RBMS3: variants seen among roughly 807,000 people sequenced by gnomAD.
RBMS3 encodes the protein RNA binding motif single stranded interacting protein 3.
In RBMS3, 27 loss-of-function variants were observed where a neutral mutation model predicts 66.8. That is an observed-to-expected ratio of 0.40 (90% CI 0.30 to 0.56). RBMS3 has a LOEUF of 0.56. RBMS3 is among the 20% of genes least tolerant of loss of function. The pLI is 0.40. For missense variants in RBMS3, 513 were observed against 549.5 expected, an observed-to-expected ratio of 0.93 and a Z score of 0.66; for synonymous variants, 188 against 183.0, an observed-to-expected ratio of 1.03 and a Z score of -0.22.
chr3:29,516,288 G>A (rs745837975), intron 3 of RBMS3, among the ~76,000 whole-genome samples: 54 of 152,282 alleles, frequency 3.5e-4, no homozygotes, highest in Admixed American at 1.1e-3. Flanking sequence ...TAGGACATCC[G>A]ATGAAAAATT....
intron 6 of RBMS3, among the ~76,000 whole-genome samples, chr3:29,838,916 A>G (rs2058596195): frequency 6.6e-6 from 1 of 152,188 alleles, no homozygotes; most frequent in African/African-American, 2.4e-5. Context: ...ATGATCAAAG[A>G]TGAGTATTTG....
In RBMS3 at chr3:29,751,868, G is replaced by A. The variant is rs559845667; in HGVS notation, c.558-11042G>A. Among the ~76,000 whole-genome samples, 6 of 152,294 alleles carry A rather than the reference G, an allele frequency of 3.9e-5. No individual in the cohort carries two copies. In the South Asian group the frequency reaches 1.0e-3, roughly 26 times the overall value. On this transcript the variant is annotated intron_variant, in intron 5 of 14. Transcript: ENST00000383767. ...GGAGCCGGGGCAAGTGCCTTTGGGT[G>A]CCTGCAGGAACAAACACTGTACAGG...
chr3:29,611,259 A>G lies in RBMS3; in HGVS notation c.399+24054A>G, dbSNP rs865982681. ...TTAACAAAGAAGCCCTGTAAAACTT[A>G]TTAAAGTCCAGGTAGTAAAAATCCG... On this transcript the variant is annotated intron_variant, in intron 4 of 14. Coordinates refer to ENST00000383767, the MANE Select transcript of RBMS3 (RefSeq NM_001003793.3). Among the ~76,000 whole-genome samples the G allele has an allele frequency of 5.1e-4, 77 of 152,226 alleles. 1 individual carries two copies. Among genetic ancestry groups the G allele is most frequent in the African/African-American group, 1.8e-3 (76 of 41,568 alleles).
At chr3:29,783,183 CA>C (rs1490317572) in intron 6 of RBMS3, among the ~76,000 whole-genome samples, 1 of 152,046 alleles carries the variant, frequency 6.6e-6, no homozygotes, top group Non-Finnish European at 1.5e-5. Flanking sequence ...CCCCCAAATG[CA>C]AGAAACTCAA....
chr3:29,504,516 A>G (rs1444486589), intron 3 of RBMS3, among the ~76,000 whole-genome samples: 3 of 152,024 alleles, frequency 2.0e-5, no homozygotes, highest in Non-Finnish European at 2.9e-5. Flanking sequence ...GGTAGATTCC[A>G]TTTCTTGGCT....
chr3:29,520,304 ATT>A (rs1258866032), intron 3 of RBMS3, among the ~76,000 whole-genome samples: 1 of 152,178 alleles, frequency 6.6e-6, no homozygotes, highest in Admixed American at 6.5e-5. Flanking sequence ...AAATAATAAT[ATT>A]TTTTATAGCT....
chr3:29,635,346 G>T (rs574929658), intron 4 of RBMS3, among the ~76,000 whole-genome samples: 2 of 151,824 alleles, frequency 1.3e-5, no homozygotes, highest in Non-Finnish European at 2.9e-5. Context: ...CATCTCAGTT[G>T]ATGGCAGTAC....
Position 29,981,686 on chromosome 3 carries a change from CAT to C in RBMS3, c.1099-6456_1099-6455del, listed in dbSNP as rs377325193. Among the ~76,000 whole-genome samples the C allele has an allele frequency of 5.0e-4, 76 of 152,220 alleles. 1 individual carries two copies. Among genetic ancestry groups the C allele is most frequent in the African/African-American group, 1.7e-3 (72 of 41,510 alleles). On this transcript the variant is annotated intron_variant, in intron 12 of 14. Coordinates refer to ENST00000383767, the MANE Select transcript of RBMS3 (RefSeq NM_001003793.3). ...CCTTTTCTGCATCTATCGAGATAAT[CAT>C]GTGGTTTTTGTCATTGGTCCTGTTT...
rs374224423 is a variant in RBMS3 at position 29,878,525 on chromosome 3, T to C, written c.745-5637T>C. ...CCCATTCTCACCTTGACCCTTCTGG[T>C]TGTAGCAATCCCATTCTGTCCTACT... On this transcript the variant is annotated intron_variant, in intron 7 of 14. Coordinates refer to ENST00000383767, the MANE Select transcript of RBMS3 (RefSeq NM_001003793.3). Among the ~76,000 whole-genome samples the C allele has an allele frequency of 8.5e-5, 13 of 152,192 alleles. No individual in the cohort carries two copies. In the East Asian group the frequency reaches 1.9e-3, roughly 23 times the overall value.
intron 14 of RBMS3, among the ~76,000 whole-genome samples, chr3:29,995,841 A>G (rs1163803993): frequency 1.3e-5 from 2 of 152,208 alleles, no homozygotes; most frequent in Admixed American, 1.3e-4. Context: ...CATCAAGACT[A>G]GGAAGAAACT....
chr3:29,931,390 T>C (rs2061120208), intron 10 of RBMS3, among the ~76,000 whole-genome samples: 2 of 152,200 alleles, frequency 1.3e-5, no homozygotes, highest in Admixed American at 1.3e-4. Flanking sequence ...TAATTCATCA[T>C]TTCCCATACC....
At chr3:29,671,434 G>T (rs193229754) in intron 4 of RBMS3, among the ~76,000 whole-genome samples, 48 of 152,330 alleles carry the variant, frequency 3.2e-4, no homozygotes, top group Non-Finnish European at 5.1e-4. Flanking sequence ...GAATGACTTT[G>T]ACAAGTTGAC....
chr3:29,843,918 C>T (rs1412233117), intron 6 of RBMS3, among the ~76,000 whole-genome samples: 1 of 151,458 alleles, frequency 6.6e-6, no homozygotes, highest in Admixed American at 6.6e-5. Context: ...CTCCACTGCA[C>T]TCCAGCCTGG....
At chr3:29,399,469 CT>C (rs916651570) in intron 1 of RBMS3, among the ~76,000 whole-genome samples, 10 of 105,134 alleles carry the variant, frequency 9.5e-5, no homozygotes, top group Non-Finnish European at 2.3e-4. Flanking sequence ...GTTTATTTGC[CT>C]TTTAGAAAAG....
At chr3:29,314,031 G>A (rs1261960463) in intron 1 of RBMS3, among the ~76,000 whole-genome samples, 1 of 151,520 alleles carries the variant, frequency 6.6e-6, no homozygotes, top group Non-Finnish European at 1.5e-5. Flanking sequence ...TTCTTTCTTG[G>A]CTTTGTCTAC....
chr3:29,868,060 C>A (rs1233775235), intron 6 of RBMS3, among the ~76,000 whole-genome samples: 1 of 152,038 alleles, frequency 6.6e-6, no homozygotes. Context: ...TGAAGGAGAA[C>A]ATCAGTTCTC....
chr3:29,639,927 TA>T (rs555487349), intron 4 of RBMS3, among the ~76,000 whole-genome samples: 2 of 151,428 alleles, frequency 1.3e-5, no homozygotes, highest in Non-Finnish European at 3.0e-5. Context: ...CGGGGAGATA[TA>T]AAAAAAAGAA....
intron 1 of RBMS3, among the ~76,000 whole-genome samples, chr3:29,407,613 A>G (rs191963560): frequency 8.5e-5 from 13 of 152,276 alleles, no homozygotes; most frequent in Admixed American, 5.2e-4. Context: ...TCAGGGCCCA[A>G]CCATTTAGCC....
intron 1 of RBMS3, among the ~76,000 whole-genome samples, chr3:29,382,016 GA>G (rs1355575057): frequency 6.6e-6 from 1 of 152,072 alleles, no homozygotes; most frequent in Non-Finnish European, 1.5e-5. Context: ...AACTTCTGAT[GA>G]AAAATCAGTA....
Sources: gnomAD v4.1 joint callset for allele counts (sites outside exome capture counted in the v4.1 genomes callset) on GRCh38, gnomAD v4.1.1 for gene constraint, MANE v1.5 for transcripts, NCBI Gene and HGNC (gene_info 2026-07-23, HGNC 2026-07-21) for gene names.